Variants in SLC16A10 observed in about 807,000 individuals in gnomAD.
SLC16A10 encodes the protein monocarboxylate transporter 10.
Under a neutral mutation model 40.0 loss-of-function variants are expected in SLC16A10, and 27 were observed. That is an observed-to-expected ratio of 0.67 (90% CI 0.50 to 0.93). The LOEUF (loss-of-function observed/expected upper bound fraction) is 0.93, where lower values mean the gene tolerates loss of function less well. Ranked by LOEUF, SLC16A10 falls within the 40% of genes least tolerant of loss-of-function variation. The pLI is 0.00. For missense variants in SLC16A10, 529 were observed against 658.2 expected (o/e 0.80, Z 2.15); for synonymous variants, 213 against 249.8 (o/e 0.85, Z 1.39).
At chr6:111,212,735 G>A (rs1463722733) in intron 4 of SLC16A10, among the ~76,000 whole-genome samples, 1 of 151,576 alleles carries the variant, frequency 6.6e-6, no homozygotes, top group African/African-American at 2.4e-5. Context: ...TGAGGCTGCA[G>A]TGAGCTGTGA....
chr6:111,137,370 C>G (rs1771897949), intron 1 of SLC16A10, among the ~76,000 whole-genome samples: 2 of 152,242 alleles, frequency 1.3e-5, no homozygotes, highest in East Asian at 3.8e-4. Context: ...CTGGACCAGG[C>G]CTTTTCAAAA....
intron 1 of SLC16A10, among the ~76,000 whole-genome samples, chr6:111,110,276 G>A (rs865969197): frequency 3.9e-4 from 60 of 152,190 alleles, no homozygotes; most frequent in African/African-American, 1.4e-3. Context: ...AGGCTAAGAA[G>A]GGAGGAAGTC....
chr6:111,120,945 G>A (rs906508797), intron 1 of SLC16A10, among the ~76,000 whole-genome samples: 1 of 152,082 alleles, frequency 6.6e-6, no homozygotes, highest in African/African-American at 2.4e-5. Flanking sequence ...TATAATTTTT[G>A]AAGTTATTTT....
intron 1 of SLC16A10, among the ~76,000 whole-genome samples, chr6:111,106,569 T>C (rs1771288276): frequency 6.6e-6 from 1 of 152,224 alleles, no homozygotes; most frequent in Admixed American, 6.5e-5. Flanking sequence ...GTAATCCCTA[T>C]TATTTACGGT....
intron 3 of SLC16A10, among the ~76,000 whole-genome samples, chr6:111,182,776 T>C (rs1003899838): frequency 2.0e-5 from 3 of 152,182 alleles, no homozygotes; most frequent in African/African-American, 4.8e-5. Flanking sequence ...GCCCTTTCAG[T>C]TGATCAGACT....
chr6:111,089,964 A>G (rs746273809), intron 1 of SLC16A10, among the ~76,000 whole-genome samples: 8 of 113,864 alleles, frequency 7.0e-5, no homozygotes, highest in Admixed American at 2.5e-4. Context: ...AGAGAGAGCA[A>G]TTGCCAGAGA....
At chr6:111,146,181 T>A (rs1259669640) in intron 1 of SLC16A10, among the ~76,000 whole-genome samples, 1 of 152,238 alleles carries the variant, frequency 6.6e-6, no homozygotes, top group East Asian at 1.9e-4. Context: ...AGAAGACATA[T>A]AAATCACCAA....
intron 2 of SLC16A10, 26 bp downstream of exon 2, chr6:111,172,865 C>G: frequency 1.2e-6 from 2 of 1,606,260 alleles, no homozygotes; most frequent in Non-Finnish European, 1.7e-6. Context: ...TTTCATGTTG[C>G]TTTTTAAAAA....
At chr6:111,137,736 A>C (rs1771906913) in intron 1 of SLC16A10, among the ~76,000 whole-genome samples, 1 of 152,200 alleles carries the variant, frequency 6.6e-6, no homozygotes, top group South Asian at 2.1e-4. Context: ...TTTCCTGTTG[A>C]GAGGGGTTGC....
At chr6:111,139,072 C>CTTTT (rs747299694) in intron 1 of SLC16A10, among the ~76,000 whole-genome samples, 3 of 104,850 alleles carry the variant, frequency 2.9e-5, no homozygotes, top group African/African-American at 1.1e-4. Context: ...TCCCTGCTGG[C>CTTTT]TTTTTTTTTT....
intron 1 of SLC16A10, among the ~76,000 whole-genome samples, chr6:111,166,856 G>A (rs1772482484): frequency 6.6e-6 from 1 of 152,190 alleles, no homozygotes; most frequent in Non-Finnish European, 1.5e-5. Context: ...TAGGGAAATT[G>A]AAAAGCTTCC....
At chr6:111,147,518 G>A (rs1772101186) in intron 1 of SLC16A10, among the ~76,000 whole-genome samples, 2 of 152,062 alleles carry the variant, frequency 1.3e-5, no homozygotes, top group Admixed American at 1.3e-4. Flanking sequence ...ATACTAATTA[G>A]TACACTAAGA....
chr6:111,090,720 G>T (rs943106044), intron 1 of SLC16A10, among the ~76,000 whole-genome samples: 2 of 152,112 alleles, frequency 1.3e-5, no homozygotes, highest in African/African-American at 4.8e-5. Context: ...AGTTTGATTG[G>T]TCACACTTTT....
rs1352818643 is a variant in SLC16A10, at chr6:111,225,449, G to C, written c.*3214G>C. 6.6e-6 allele frequency: 1 copy of C among 151,652 alleles called. No homozygotes were observed. Among genetic ancestry groups the C allele is most frequent in the Non-Finnish European group, 1.5e-5 (1 of 67,958 alleles). 9.4% of individuals were successfully genotyped at this position (151,652 alleles called of 1,614,324 possible). Reference sequence around the variant, plus strand: ...CATGCACCTGTAGTCCCAGCTACTCGGGAAGCTGAGGCAGGAGAAGAATCC... The same window carrying C: ...CATGCACCTGTAGTCCCAGCTACTCCGGAAGCTGAGGCAGGAGAAGAATCC... On this transcript the variant is annotated 3_prime_UTR_variant, in exon 6 of 6. Transcript: ENST00000368851.
chr6:111,093,329 C>T (rs893847198), intron 1 of SLC16A10, among the ~76,000 whole-genome samples: 1 of 152,224 alleles, frequency 6.6e-6, no homozygotes, highest in African/African-American at 2.4e-5. Context: ...TCTACACTCC[C>T]TGTATGGAGA....
intron 1 of SLC16A10, among the ~76,000 whole-genome samples, chr6:111,167,679 A>AAG (rs959126207): frequency 8.6e-5 from 13 of 151,066 alleles, no homozygotes; most frequent in South Asian, 8.4e-4. Context: ...GAGAGAGAGA[A>AAG]AGAGAGAGAG....
chr6:111,088,020 G>C lies in SLC16A10; in HGVS notation c.268G>C (p.Ala90Pro). The change falls in exon 1 of 6, where the codon GCT becomes CCT. Residue 90 changes from alanine to proline, a missense_variant. Transcript: ENST00000368851. ...CNGSVFGIQN[A>P]CGVLFVSMLE... is the part of the protein sequence containing the mutation. Reference sequence around the variant, plus strand: ...CGGGTCGGTGTTCGGCATCCAGAACGCTTGCGGGGTGCTCTTCGTGTCCAT... The same window carrying C: ...CGGGTCGGTGTTCGGCATCCAGAACCCTTGCGGGGTGCTCTTCGTGTCCAT... 6.2e-7 allele frequency: 1 copy of C among 1,609,556 alleles called. No individual in the cohort carries two copies.
At chr6:111,101,183 G>A (rs946517790) in intron 1 of SLC16A10, among the ~76,000 whole-genome samples, 18 of 151,324 alleles carry the variant, frequency 1.2e-4, no homozygotes, top group Non-Finnish European at 2.2e-4. Context: ...GGGGCATGCC[G>A]CTACACGTAA....
Position 111,226,357 on chromosome 6 carries a change from C to G in SLC16A10, c.*4122C>G, listed in dbSNP as rs1583373793. ...CTAATGATTGTTCTTCAGGGACCTT[C>G]CTTAGGTTAGGTTACATTTTCTGGT... On this transcript the variant is annotated 3_prime_UTR_variant, in exon 6 of 6. Transcript: ENST00000368851. The G allele has an allele frequency of 2.6e-5, 4 of 152,218 alleles. No homozygotes were observed. In the Middle Eastern group the frequency reaches 0.014, roughly 518 times the overall value. 9.4% of individuals were successfully genotyped at this position (152,218 alleles called of 1,614,324 possible). A position where few individuals can be genotyped will look rare whatever the true frequency, so the allele number is the denominator to read the frequency against.
Sources: gnomAD v4.1 joint callset for allele counts (sites outside exome capture counted in the v4.1 genomes callset) on GRCh38, gnomAD v4.1.1 for gene constraint, MANE v1.5 for transcripts, NCBI Gene and HGNC (gene_info 2026-07-23, HGNC 2026-07-21) for gene names.